HNRNPLL: variants seen among roughly 807,000 people sequenced by gnomAD.
HNRNPLL encodes heterogeneous nuclear ribonucleoprotein L-like.
In HNRNPLL, 25 loss-of-function variants were observed where a neutral mutation model predicts 67.1. That is an observed-to-expected ratio of 0.37 (90% CI 0.27 to 0.52). The LOEUF is 0.52. Ranked by LOEUF, HNRNPLL falls within the 20% of genes least tolerant of loss-of-function variation. The probability of loss-of-function intolerance (pLI) is 0.90; values close to 1 mark genes in which losing one functional copy is unlikely to be tolerated. For missense variants in HNRNPLL, 542 were observed against 673.9 expected (o/e 0.80, Z 2.17); for synonymous variants, 267 against 241.7 (o/e 1.10, Z -0.97).
At chr2:38,570,684 T>A (rs1477464224) in intron 8 of HNRNPLL, among the ~76,000 whole-genome samples, 1 of 152,166 alleles carries the variant, frequency 6.6e-6, no homozygotes, top group South Asian at 2.1e-4. Flanking sequence ...AAGTGGCTAT[T>A]AAGTACAGTA....
At chr2:38,582,278 T>C in intron 4 of HNRNPLL, 110 bp from the exon 5 acceptor site, 1 of 758,404 alleles carries the variant, frequency 1.3e-6, no homozygotes, top group Non-Finnish European at 2.3e-6. Context: ...CTTCTGGAAA[T>C]GTTTTACCAA....
intron 8 of HNRNPLL, among the ~76,000 whole-genome samples, chr2:38,571,955 T>G (rs757212516): frequency 6.6e-6 from 1 of 152,158 alleles, no homozygotes; most frequent in Non-Finnish European, 1.5e-5. Flanking sequence ...ACTAAAGATG[T>G]TGATTAAATT....
At chr2:38,586,327 C>T (rs1666731022) in intron 2 of HNRNPLL, among the ~76,000 whole-genome samples, 1 of 152,146 alleles carries the variant, frequency 6.6e-6, no homozygotes, top group South Asian at 2.1e-4. Flanking sequence ...CTTAAATCAT[C>T]TGAAGAATTG....
chr2:38,591,516 C>A lies in HNRNPLL; in HGVS notation c.308+14G>T, dbSNP rs770951420. On this transcript the variant is annotated intron_variant, in intron 2 of 12. Coordinates refer to ENST00000449105, the MANE Select transcript of HNRNPLL (RefSeq NM_138394.4). ...CACAGTTTTCAATCTACATGAAGTC[C>A]CTATCATCCTTACCATATTGTCCCA... 74 of 1,298,412 alleles carry A rather than the reference C, an allele frequency of 5.7e-5. No homozygotes were observed. The highest frequency in any genetic ancestry group is 7.6e-5 in the Non-Finnish European group (68 of 892,138). The allele number at this position is 1,298,412 out of a possible 1,614,324, so 80.4% of individuals were successfully genotyped here. A position where few individuals can be genotyped will look rare whatever the true frequency, so the allele number is the denominator to read the frequency against.
At chr2:38,565,968 G>GTTT in intron 12 of HNRNPLL, 2 of 858,008 alleles carry the variant, frequency 2.3e-6, no homozygotes, top group Non-Finnish European at 2.8e-6. Context: ...ATCATTCATT[G>GTTT]TTTTTTTTTC....
chr2:38,601,811 A>C (rs1273385925), intron 1 of HNRNPLL, among the ~76,000 whole-genome samples: 1 of 152,224 alleles, frequency 6.6e-6, no homozygotes, highest in African/African-American at 2.4e-5. Flanking sequence ...TTGTAACCGA[A>C]GAGGTAAAAA....
intron 7 of HNRNPLL, among the ~76,000 whole-genome samples, chr2:38,575,772 G>T (rs889201385): frequency 1.3e-5 from 2 of 151,654 alleles, no homozygotes; most frequent in Non-Finnish European, 3.0e-5. Context: ...TGATCTGAAG[G>T]GATACATTTG....
At chr2:38,602,094 G>C (rs1233784144) in intron 1 of HNRNPLL, 2 of 294,546 alleles carry the variant, frequency 6.8e-6, no homozygotes, top group Non-Finnish European at 1.3e-5. Context: ...CTGGCCCCGA[G>C]CCCGAGGAGT....
Position 38,602,475 on chromosome 2 carries a change from C to T in HNRNPLL, c.152G>A (p.Gly51Asp). The T allele has an allele frequency of 6.5e-7, 1 of 1,541,878 alleles. No homozygotes were observed. The highest frequency in any genetic ancestry group is 8.7e-7 in the Non-Finnish European group (1 of 1,147,544). The change falls in exon 1 of 13, where the codon GGC (glycine) becomes GAC (aspartate). Residue 51 changes from glycine (G) to aspartate (D), a missense_variant. Transcript: ENST00000449105. ...GCTCCGGCCGCCGCCGCCGCCATCG[C>T]CCCCGCCCCGGGGCGTCGCTTCCCG... ...NRREATPRGG[G>D]DGGGGGRSFS...
intron 8 of HNRNPLL, among the ~76,000 whole-genome samples, chr2:38,570,326 G>C (rs1158346303): frequency 6.6e-6 from 1 of 152,154 alleles, no homozygotes; most frequent in African/African-American, 2.4e-5. Flanking sequence ...GGTAGGTACT[G>C]GGGATTTAAT....
chr2:38,569,361 A>G lies in HNRNPLL; in HGVS notation c.1215-27T>C, dbSNP rs911958361. The G allele has an allele frequency of 1.2e-5, 18 of 1,515,000 alleles. 1 individual carries two copies. Among genetic ancestry groups the G allele is most frequent in the African/African-American group, 2.7e-5 (2 of 72,936 alleles). The allele number at this position is 1,515,000 out of a possible 1,614,324, so 93.8% of individuals were successfully genotyped here. A position where few individuals can be genotyped will look rare whatever the true frequency, so the allele number is the denominator to read the frequency against. On this transcript the variant is annotated intron_variant, in intron 9 of 12. Coordinates refer to ENST00000449105, the MANE Select transcript of HNRNPLL (RefSeq NM_138394.4). ...TAAAGATTGTAAAGAAAAGACATAC[A>G]AAAGTACTTTGTTAGATAAAAAGCA...
intron 4 of HNRNPLL, among the ~76,000 whole-genome samples, chr2:38,583,534 C>T (rs1370633093): frequency 6.6e-6 from 1 of 152,182 alleles, no homozygotes; most frequent in Admixed American, 6.5e-5. Flanking sequence ...TACTTCCAAA[C>T]TACTTTAAGA....
intron 12 of HNRNPLL, among the ~76,000 whole-genome samples, chr2:38,567,715 C>A (rs992049485): frequency 3.9e-5 from 6 of 152,154 alleles, no homozygotes; most frequent in Non-Finnish European, 8.8e-5. Context: ...TGATGGTATG[C>A]CACTTCCAAT....
chr2:38,582,055 T>G lies in HNRNPLL; in HGVS notation c.729+17A>C. 6.2e-7 allele frequency: 1 copy of G among 1,607,324 alleles called. No individual in the cohort carries two copies. Among genetic ancestry groups the G allele is most frequent in the Non-Finnish European group, 8.5e-7 (1 of 1,173,882 alleles). On this transcript the variant is annotated intron_variant, in intron 5 of 12. Coordinates refer to ENST00000449105, the MANE Select transcript of HNRNPLL (RefSeq NM_138394.4). ...GCATAAATATTTCTTGGGTAGGGTG[T>G]TGAAAAAAATATTTACCCGTGCATA...
In HNRNPLL at chr2:38,577,338, G is replaced by A. The variant is rs1666337628; in HGVS notation, c.874+123C>T. 4.5e-6 allele frequency: 3 copies of A among 664,578 alleles called. No individual in the cohort carries two copies. The Admixed American group carries it at 7.2e-5, about 16-fold the overall frequency. 41.2% of individuals were successfully genotyped at this position (664,578 alleles called of 1,614,324 possible). On this transcript the variant is annotated intron_variant, in intron 7 of 12. Coordinates refer to ENST00000449105, the MANE Select transcript of HNRNPLL (RefSeq NM_138394.4). ...TCCTGGGAGTACATTACAAGGGACT[G>A]ATCCCATATAAACCGAGGCAGATAC...
intron 9 of HNRNPLL, 121 bp downstream of exon 9, chr2:38,569,683 T>C: frequency 3.5e-6 from 2 of 567,424 alleles, no homozygotes; most frequent in Non-Finnish European, 6.0e-6. Context: ...ATTACAGCTG[T>C]TGTTTCAGAT....
chr2:38,576,708 A>T (rs555149073), intron 7 of HNRNPLL, among the ~76,000 whole-genome samples: 1 of 152,064 alleles, frequency 6.6e-6, no homozygotes, highest in Non-Finnish European at 1.5e-5. Context: ...GACCAATCCC[A>T]AGACTACAAT....
At position 38,574,185 on chromosome 2, in the gene HNRNPLL, T is replaced by C. The variant is rs187603706; in HGVS notation, c.875-758A>G. The stretch of plus-strand genomic sequence containing the variant: ...TAGAGTAGCTTTAAACAACTTTATC[T>C]GTTTTTCCCATCCACAACAGATCTA... On this transcript the variant is annotated intron_variant, in intron 7 of 12. Coordinates refer to ENST00000449105, the MANE Select transcript of HNRNPLL (RefSeq NM_138394.4). Among the ~76,000 whole-genome samples the C allele has an allele frequency of 9.9e-5, 15 of 152,024 alleles. No individual in the cohort carries two copies. In the East Asian group the frequency reaches 2.9e-3, roughly 29 times the overall value.
At chr2:38,585,020 C>T (rs1275018142) in intron 3 of HNRNPLL, among the ~76,000 whole-genome samples, 1 of 152,110 alleles carries the variant, frequency 6.6e-6, no homozygotes. Context: ...TATGCCCAGA[C>T]TACATATGAT....
Sources: allele counts gnomAD v4.1 joint callset (sites outside exome capture counted in the v4.1 genomes callset), GRCh38; gene constraint gnomAD v4.1.1; transcripts MANE v1.5; gene names NCBI Gene and HGNC (gene_info 2026-07-23, HGNC 2026-07-21).